Variants in PALLD observed in about 807,000 individuals in gnomAD.
PALLD encodes palladin, cytoskeletal associated protein.
In PALLD, 61 loss-of-function variants were observed where a neutral mutation model predicts 123.5. The observed-to-expected ratio is 0.49, with a 90% CI of 0.40 to 0.61. The LOEUF (loss-of-function observed/expected upper bound fraction) is 0.61, where lower values mean the gene tolerates loss of function less well. PALLD is among the 20% of genes least tolerant of loss of function. PALLD has a pLI of 0.00. For synonymous variants in PALLD, 465 were observed against 496.4 expected, an observed-to-expected ratio of 0.94 and a Z score of 0.84; for missense variants, 1,273 against 1,377.0, an observed-to-expected ratio of 0.92 and a Z score of 1.20.
intron 2 of PALLD, among the ~76,000 whole-genome samples, chr4:168,553,556 A>G (rs995815429): frequency 6.6e-6 from 1 of 152,232 alleles, no homozygotes; most frequent in African/African-American, 2.4e-5. Context: ...CTGTCTGCCT[A>G]CAAAGGAACC....
chr4:168,609,398 CCTGTTGTG>C (rs1773518689), intron 2 of PALLD, among the ~76,000 whole-genome samples: 1 of 146,990 alleles, frequency 6.8e-6, no homozygotes, highest in Non-Finnish European at 1.5e-5. Context: ...TAGGCCTGTT[CCTGTTGTG>C]ATCCCTCCAG....
chr4:168,747,383 A>G (rs545590196), intron 10 of PALLD, among the ~76,000 whole-genome samples: 5 of 152,384 alleles, frequency 3.3e-5, no homozygotes, highest in Non-Finnish European at 5.9e-5. Flanking sequence ...CAGCAAAAGC[A>G]TAGAAATCAA....
intron 10 of PALLD, among the ~76,000 whole-genome samples, chr4:168,715,465 A>G (rs1190240541): frequency 6.6e-6 from 1 of 152,246 alleles, no homozygotes; most frequent in Admixed American, 6.5e-5. Flanking sequence ...TCACATCATG[A>G]AAGAAGCAAC....
intron 2 of PALLD, among the ~76,000 whole-genome samples, chr4:168,556,792 A>T (rs545242460): frequency 6.6e-6 from 1 of 152,344 alleles, no homozygotes; most frequent in East Asian, 1.9e-4. Flanking sequence ...GAAAAGTGTC[A>T]CACCTTGGGG....
Position 168,905,230 on chromosome 4 carries a change from A to G in PALLD, c.2622+1324A>G, listed in dbSNP as rs183061594. On this transcript the variant is annotated intron_variant, in intron 15 of 21. Coordinates refer to ENST00000505667, the MANE Select transcript of PALLD (RefSeq NM_001166108.2). ...CAGTGGCGCGATCTCGGCTCACTGC[A>G]AGCTCCGCCTCCTGCGTTCACACCA... is the stretch of plus-strand genomic sequence containing the variant. Among the ~76,000 whole-genome samples, 937 of 131,018 alleles carry G rather than the reference A, an allele frequency of 7.2e-3. 10 individuals carry two copies. Among genetic ancestry groups the G allele is most frequent in the African/African-American group, 0.025 (880 of 35,454 alleles). The allele number at this position is 131,018 out of a possible 152,430, so 86.0% of individuals were successfully genotyped here. A position where few individuals can be genotyped will look rare whatever the true frequency, so the allele number is the denominator to read the frequency against.
At chr4:168,552,043 T>C (rs998985974) in intron 2 of PALLD, among the ~76,000 whole-genome samples, 19 of 152,146 alleles carry the variant, frequency 1.2e-4, no homozygotes, top group African/African-American at 3.9e-4. Flanking sequence ...TTAAATACAT[T>C]AGGTAAAATC....
intron 2 of PALLD, among the ~76,000 whole-genome samples, chr4:168,590,388 T>G (rs1040522651): frequency 1.3e-5 from 2 of 152,134 alleles, no homozygotes; most frequent in African/African-American, 4.8e-5. Context: ...TATCCGCTTA[T>G]CCCCAGTGCA....
At chr4:168,735,684 C>T (rs1787676279) in intron 10 of PALLD, among the ~76,000 whole-genome samples, 1 of 152,170 alleles carries the variant, frequency 6.6e-6, no homozygotes, top group Non-Finnish European at 1.5e-5. Flanking sequence ...AGTCAACAAT[C>T]ATGTTGGTGA....
chr4:168,583,660 A>G (rs944175687), intron 2 of PALLD, among the ~76,000 whole-genome samples: 13 of 152,218 alleles, frequency 8.5e-5, no homozygotes, highest in African/African-American at 2.9e-4. Flanking sequence ...TCACTTGAAA[A>G]GAATATTTAT....
At position 168,614,913 on chromosome 4, in the gene PALLD, G is replaced by A. The variant is rs1022368835; in HGVS notation, c.909-53277G>A. On this transcript the variant is annotated intron_variant, in intron 2 of 21. Coordinates refer to ENST00000505667, the MANE Select transcript of PALLD (RefSeq NM_001166108.2). ...CCAAGACTAAGACCATGAATAAAAA[G>A]CAACAGCAGCAAGATTGCCAATAGG... Among the ~76,000 whole-genome samples the A allele has an allele frequency of 4.3e-4, 65 of 152,248 alleles. 1 individual carries two copies. The highest frequency in any genetic ancestry group is 1.7e-3 in the Admixed American group (26 of 15,292).
intron 10 of PALLD, among the ~76,000 whole-genome samples, chr4:168,788,586 A>G (rs1333949615): frequency 1.3e-5 from 2 of 152,172 alleles, no homozygotes; most frequent in East Asian, 1.9e-4. Flanking sequence ...CATACAATGT[A>G]CAACACCAAG....
intron 11 of PALLD, chr4:168,894,218 G>C (rs1225910961): frequency 6.5e-6 from 2 of 305,758 alleles, no homozygotes; most frequent in Non-Finnish European, 6.3e-6. Context: ...CTGATGGATG[G>C]CTATAAAAAT....
intron 2 of PALLD, among the ~76,000 whole-genome samples, chr4:168,657,574 T>C (rs1778704051): frequency 6.6e-6 from 1 of 152,166 alleles, no homozygotes; most frequent in Non-Finnish European, 1.5e-5. Flanking sequence ...TGGTAAGGTT[T>C]TCCTTTTAAT....
chr4:168,825,757 A>G (rs769425768), intron 10 of PALLD, among the ~76,000 whole-genome samples: 53 of 152,194 alleles, frequency 3.5e-4, no homozygotes, highest in Non-Finnish European at 6.2e-4. Flanking sequence ...GCGAGCAACA[A>G]TGGAATCATG....
At chr4:168,532,541 A>C (rs1443364846) in intron 2 of PALLD, among the ~76,000 whole-genome samples, 1 of 152,216 alleles carries the variant, frequency 6.6e-6, no homozygotes, top group African/African-American at 2.4e-5. Flanking sequence ...ATACACCATC[A>C]ATAAAAATAA....
At chr4:168,644,401 C>T (rs894581128) in intron 2 of PALLD, among the ~76,000 whole-genome samples, 1 of 152,082 alleles carries the variant, frequency 6.6e-6, no homozygotes, top group Non-Finnish European at 1.5e-5. Flanking sequence ...ATGTTGATAT[C>T]TTTCAAACAT....
intron 2 of PALLD, among the ~76,000 whole-genome samples, chr4:168,577,999 C>A: frequency 6.6e-6 from 1 of 152,024 alleles, no homozygotes; most frequent in East Asian, 1.9e-4. Flanking sequence ...GTTACAAAGA[C>A]CCATACTACT....
intron 10 of PALLD, among the ~76,000 whole-genome samples, chr4:168,748,094 A>G (rs761200159): frequency 2.6e-5 from 4 of 152,266 alleles, no homozygotes; most frequent in Non-Finnish European, 4.4e-5. Flanking sequence ...CAAAGGTTTC[A>G]GTATTCTAAA....
rs555453940 is a variant in PALLD at position 168,685,906 on chromosome 4, C to G, written c.1335+347C>G. 2.0e-5 allele frequency among the ~76,000 whole-genome samples: 3 copies of G among 151,062 alleles called. No individual in the cohort carries two copies. The East Asian group carries it at 5.8e-4, about 29-fold the overall frequency. ...AAATTCAGAAAAACTGACTAATTTT[C>G]CATTTGTCCTGAGTCCGGAATTTGC... On this transcript the variant is annotated intron_variant, in intron 6 of 21. Transcript: ENST00000505667.
Sources: gnomAD v4.1 joint callset for allele counts (sites outside exome capture counted in the v4.1 genomes callset) on GRCh38, gnomAD v4.1.1 for gene constraint, MANE v1.5 for transcripts, NCBI Gene and HGNC (gene_info 2026-07-23, HGNC 2026-07-21) for gene names.